Variants in IKZF3 observed in about 807,000 individuals in gnomAD.
IKZF3 encodes the protein zinc finger protein Aiolos.
In IKZF3, 10 loss-of-function variants were observed where a neutral mutation model predicts 49.0. The ratio of observed to expected loss-of-function variants is 0.20; its 90% CI spans 0.13 to 0.35. The LOEUF is 0.35. Ranked by LOEUF, IKZF3 falls within the 10% of genes least tolerant of loss-of-function variation. The pLI, the probability that IKZF3 is intolerant of heterozygous loss-of-function variation, is 1.00. For synonymous variants in IKZF3, 209 were observed against 228.2 expected (o/e 0.92, Z 0.76); for missense variants, 498 against 664.8 (o/e 0.75, Z 2.76).
intron 1 of IKZF3, chr17:39,836,088 G>T: frequency 1.5e-6 from 1 of 660,734 alleles, no homozygotes; most frequent in Non-Finnish European, 2.7e-6. Context: ...CCGCGATGAA[G>T]GGGGCAAACT....
rs781773725 is a variant in IKZF3, at chr17:39,792,663, G to A, written c.424+10C>T. Reference sequence around the variant, plus strand: ...AGTTTTCAGAAGAATGAAAAAAGCAGACTATTTACCAGTATGGCTTCGCTT... The same window carrying A: ...AGTTTTCAGAAGAATGAAAAAAGCAAACTATTTACCAGTATGGCTTCGCTT... On this transcript the variant is annotated intron_variant, in intron 4 of 7. Coordinates refer to ENST00000346872, the MANE Select transcript of IKZF3 (RefSeq NM_012481.5). The A allele has an allele frequency of 1.9e-6, 3 of 1,603,036 alleles. No individual in the cohort carries two copies. In the South Asian group the frequency reaches 3.3e-5, roughly 18 times the overall value.
intron 1 of IKZF3, among the ~76,000 whole-genome samples, chr17:39,848,201 T>TAA (rs555695098): frequency 1.3e-5 from 2 of 151,240 alleles, no homozygotes; most frequent in Non-Finnish European, 3.0e-5. Context: ...CCTCCCCCTT[T>TAA]AAAAAAAAAT....
chr17:39,834,537 C>T (rs545174386), intron 1 of IKZF3, among the ~76,000 whole-genome samples: 19 of 152,240 alleles, frequency 1.2e-4, no homozygotes, highest in Middle Eastern at 6.8e-3. Flanking sequence ...TGGGGGAATT[C>T]GGGAATTCTT....
chr17:39,792,974 T>C (rs2061067100), intron 3 of IKZF3, 41 bp from the exon 4 acceptor site: 2 of 1,595,802 alleles, frequency 1.3e-6, no homozygotes, highest in African/African-American at 1.3e-5. Flanking sequence ...ACGACTATAC[T>C]TGAAGCTATC....
intron 3 of IKZF3, among the ~76,000 whole-genome samples, chr17:39,794,004 C>CT (rs1247395264): frequency 1.3e-5 from 2 of 152,156 alleles, no homozygotes; most frequent in Admixed American, 6.5e-5. Flanking sequence ...TAAATGCTTA[C>CT]TTTTTCAACC....
chr17:39,795,788 C>A (rs1567988722), intron 3 of IKZF3, among the ~76,000 whole-genome samples: 1 of 151,328 alleles, frequency 6.6e-6, no homozygotes, highest in Admixed American at 6.6e-5. Flanking sequence ...CATAGTGGCT[C>A]ATGCCTGTAA....
intron 1 of IKZF3, among the ~76,000 whole-genome samples, chr17:39,850,531 T>C (rs895889499): frequency 9.3e-6 from 1 of 107,704 alleles, no homozygotes; most frequent in Non-Finnish European, 1.8e-5. Flanking sequence ...ATACATATTA[T>C]ACATGTACAT....
intron 1 of IKZF3, among the ~76,000 whole-genome samples, chr17:39,861,434 A>G (rs1272388048): frequency 6.6e-6 from 1 of 152,200 alleles, no homozygotes; most frequent in Non-Finnish European, 1.5e-5. Context: ...ATGGGTGAAC[A>G]TAATAGCAAA....
intron 3 of IKZF3, among the ~76,000 whole-genome samples, chr17:39,818,018 A>G (rs1231107049): frequency 6.6e-6 from 1 of 152,194 alleles, no homozygotes; most frequent in Non-Finnish European, 1.5e-5. Context: ...CTGTATTTAT[A>G]CAAACCTAGA....
At chr17:39,803,904 A>G (rs1445824796) in intron 3 of IKZF3, among the ~76,000 whole-genome samples, 1 of 152,222 alleles carries the variant, frequency 6.6e-6, no homozygotes, top group Non-Finnish European at 1.5e-5. Flanking sequence ...TCCAAATACA[A>G]TTGGCTAAAA....
chr17:39,850,708 A>ATTATATAATAT (rs370626287), intron 1 of IKZF3, among the ~76,000 whole-genome samples: 262 of 3,698 alleles, frequency 0.071, 4 homozygotes, highest in African/African-American at 0.18. Flanking sequence ...CATTATATAT[A>ATTATATAATAT]ATACATTATA....
intron 1 of IKZF3, among the ~76,000 whole-genome samples, chr17:39,843,296 G>A (rs2062532443): frequency 6.6e-6 from 1 of 152,138 alleles, no homozygotes; most frequent in Admixed American, 6.5e-5. Flanking sequence ...ATAGAGCACC[G>A]TGTCAGCAAC....
intron 3 of IKZF3, among the ~76,000 whole-genome samples, chr17:39,814,796 C>G (rs936598848): frequency 6.6e-6 from 1 of 152,188 alleles, no homozygotes; most frequent in Non-Finnish European, 1.5e-5. Flanking sequence ...TAATTTTGAA[C>G]TTCTACCCTC....
rs2060272695 is a variant in IKZF3, at chr17:39,765,770, C to A, written c.*20G>T. ...AGAAACGATGCTGAATACATAGGAG[C>A]AATCCCTGAGACCAGATATTCACTT... On this transcript the variant is annotated 3_prime_UTR_variant, in exon 8 of 8. Transcript: ENST00000346872. 2 of 1,554,214 alleles carry A rather than the reference C, an allele frequency of 1.3e-6. No homozygotes were observed. Among genetic ancestry groups the A allele is most frequent in the Non-Finnish European group, 1.8e-6 (2 of 1,137,644 alleles).
intron 5 of IKZF3, among the ~76,000 whole-genome samples, chr17:39,789,642 C>T (rs1441264891): frequency 1.3e-5 from 2 of 151,952 alleles, no homozygotes; most frequent in Non-Finnish European, 2.9e-5. Context: ...GCAGGAGAAT[C>T]GCTTGAACCT....
At chr17:39,828,800 C>G (rs1438222741) in intron 3 of IKZF3, among the ~76,000 whole-genome samples, 1 of 152,006 alleles carries the variant, frequency 6.6e-6, no homozygotes, top group African/African-American at 2.4e-5. Context: ...GAGTTCCTGG[C>G]CAGCCTGGCC....
intron 3 of IKZF3, among the ~76,000 whole-genome samples, chr17:39,797,223 G>T (rs1488356540): frequency 1.3e-5 from 2 of 150,968 alleles, no homozygotes; most frequent in African/African-American, 4.9e-5. Context: ...GCCTCAAAAA[G>T]GACTCAGAAT....
At chr17:39,862,329 G>A (rs182045388) in intron 1 of IKZF3, among the ~76,000 whole-genome samples, 1 of 152,202 alleles carries the variant, frequency 6.6e-6, no homozygotes, top group Admixed American at 6.5e-5. Context: ...ATGAATCAAT[G>A]TGACCCCCAA....
chr17:39,850,303 C>T (rs992343841), intron 1 of IKZF3, among the ~76,000 whole-genome samples: 2 of 134,774 alleles, frequency 1.5e-5, no homozygotes, highest in African/African-American at 5.6e-5. Context: ...CAATATATAG[C>T]ATATTATACA....
Sources: gnomAD v4.1 joint callset for allele counts (sites outside exome capture counted in the v4.1 genomes callset) on GRCh38, gnomAD v4.1.1 for gene constraint, MANE v1.5 for transcripts, NCBI Gene and HGNC (gene_info 2026-07-23, HGNC 2026-07-21) for gene names.